The following PLD4 variants were observed in gnomAD, a reference collection of about 807,000 sequenced individuals.
PLD4 encodes 5'-3' exonuclease PLD4.
A neutral mutation model predicts 52.3 loss-of-function variants in PLD4; 54 were observed. The ratio of observed to expected loss-of-function variants is 1.03; its 90% confidence interval spans 0.83 to 1.30. PLD4 has a LOEUF of 1.30. Among genes scored for constraint, PLD4 ranks in the 50% most tolerant of loss-of-function variants. The pLI, the probability that PLD4 is intolerant of heterozygous loss-of-function variation, is 0.00. For synonymous variants in PLD4, 264 were observed against 286.5 expected (o/e 0.92, Z 0.79); for missense variants, 731 against 671.1 (o/e 1.09, Z -0.99).
At chr14:104,925,531 CA>C (rs1214253455) in intron 1 of PLD4, among the ~76,000 whole-genome samples, 3 of 143,104 alleles carry the variant, frequency 2.1e-5, no homozygotes, top group African/African-American at 7.5e-5. Context: ...TTTAAGGGAG[CA>C]AAGGTCCTCT....
Position 104,927,668 on chromosome 14 carries a change from TC to T in PLD4, c.91-3del, listed in dbSNP as rs2140796915. The T allele has an allele frequency of 6.3e-7, 1 of 1,581,228 alleles. No individual in the cohort carries two copies. Among genetic ancestry groups the T allele is most frequent in the African/African-American group, 1.3e-5 (1 of 74,592 alleles). On this transcript the variant is annotated splice_polypyrimidine_tract_variant and splice_region_variant and intron_variant, in intron 2 of 10. Coordinates refer to ENST00000392593, the MANE Select transcript of PLD4 (RefSeq NM_138790.5). The stretch of plus-strand genomic sequence containing the variant: ...TGGTGACCCTGCGGGTGCTGCCCCA[TC>T]CAGTTGCAGGTCCTGGGAGCGCTGG...
At position 104,927,748 on chromosome 14, in the gene PLD4, C is replaced by G. The variant is rs762032870; in HGVS notation, c.166C>G (p.Arg56Gly). The change falls in exon 3 of 11, where the codon CGT becomes GGT. Residue 56 changes from arginine to glycine, a missense_variant. By Grantham distance (125) the Arg-to-Gly change is moderately radical. Coordinates refer to ENST00000392593, the MANE Select transcript of PLD4 (RefSeq NM_138790.5). The stretch of plus-strand genomic sequence containing the variant: ...TATCTGCCTCCTGTGGCAAGTGCCC[C>G]GTCCTCCCACCTGGGGCCAGGTGCA... The part of the protein sequence containing the change: ...ALICLLWQVP[R>G]PPTWGQVQPK... The G allele has an allele frequency of 1.7e-5, 27 of 1,598,444 alleles. No homozygotes were observed. Among genetic ancestry groups the G allele is most frequent in the Non-Finnish European group, 2.2e-5 (26 of 1,176,328 alleles).
chr14:104,934,136 TG>T (rs1165477042), downstream of PLD4: 1 of 150,732 alleles, frequency 6.6e-6, no homozygotes, highest in African/African-American at 2.7e-5. Context: ...GCGTGCGGGC[TG>T]GGGAGACAGG....
intron 8 of PLD4, 31 bp from the exon 9 acceptor site, chr14:104,931,981 T>A: frequency 1.3e-6 from 2 of 1,546,128 alleles, no homozygotes; most frequent in South Asian, 2.4e-5. Context: ...GCCCGGCTTG[T>A]AAGCAGAGCC....
At chr14:104,927,261 G>T in intron 2 of PLD4, 31 bp downstream of exon 2, 1 of 1,503,350 alleles carries the variant, frequency 6.7e-7, no homozygotes, top group Non-Finnish European at 9.0e-7. Context: ...GGGGGAGGTG[G>T]CTGGGATCAA....
chr14:104,934,588 CT>C (rs1897770057), downstream of PLD4: 1 of 152,210 alleles, frequency 6.6e-6, no homozygotes, highest in African/African-American at 2.4e-5. Flanking sequence ...TGAAGGAGCA[CT>C]GGATGCTGAA....
chr14:104,927,592 A>G, intron 2 of PLD4, 81 bp from the exon 3 acceptor site: 1 of 1,411,522 alleles, frequency 7.1e-7, no homozygotes, highest in Non-Finnish European at 9.4e-7. Flanking sequence ...TCTCTGTCTC[A>G]GCACTGGAGG....
rs1334077652 is a variant in PLD4 at position 104,930,887 on chromosome 14, G to A, written c.863G>A (p.Arg288His). Residue 288 changes from arginine (R) to histidine (H), a missense_variant, in exon 7 of 11, where the codon CGT (arginine) becomes CAT (histidine). Physicochemically the swap from Arg to His is conservative, Grantham distance 29. Coordinates refer to ENST00000392593, the MANE Select transcript of PLD4 (RefSeq NM_138790.5). Reference protein sequence around the residue: ...WPQNFSSHFNRFQPFHGLFDG... With the variant: ...WPQNFSSHFNHFQPFHGLFDG... ...CAGAACTTCTCATCTCACTTCAACC[G>A]TTTCCAGCCCTTCCACGGCCTCTTT... 1.3e-5 allele frequency: 21 copies of A among 1,613,502 alleles called. No homozygotes were observed. Among genetic ancestry groups the A allele is most frequent in the South Asian group, 2.2e-5 (2 of 91,088 alleles).
Position 104,927,771 on chromosome 14 carries a change from G to T in PLD4, c.189G>T (p.Val63=). ...QVPRPPTWGQ[V]QPKDVPRSWE... ...CCCGTCCTCCCACCTGGGGCCAGGT[G>T]CAGCCCAAGGACGTGCCCAGGTCCT... Residue 63 remains valine, a synonymous_variant, in exon 3 of 11, where the codon GTG becomes GTT. Coordinates refer to ENST00000392593, the MANE Select transcript of PLD4 (RefSeq NM_138790.5). 6.3e-7 allele frequency: 1 copy of T among 1,599,242 alleles called. No homozygotes were observed.
At chr14:104,935,368 T>C (rs1013205345), downstream of PLD4, 2 of 152,240 alleles carry the variant, frequency 1.3e-5, no homozygotes, top group African/African-American at 4.8e-5. Flanking sequence ...GGACTGGCAG[T>C]CACACCTCAG....
At position 104,932,197 on chromosome 14, in the gene PLD4, C is replaced by G. The variant is rs570648047; in HGVS notation, c.1224+20C>G. On this transcript the variant is annotated intron_variant, in intron 9 of 10. Transcript: ENST00000392593. The surrounding 1 kb of genome is among the most constrained non-coding windows in gnomAD (Gnocchi z 6.5). ...GACGTGGTGAGGGCGTGCTCCCGGCCGGGCGTGGGAAAGGCGGCCCTCCTG... is the reference window on the plus strand; with the variant it reads ...GACGTGGTGAGGGCGTGCTCCCGGCGGGGCGTGGGAAAGGCGGCCCTCCTG... The G allele has an allele frequency of 5.3e-5, 85 of 1,611,798 alleles. No homozygotes were observed. Among genetic ancestry groups the G allele is most frequent in the Non-Finnish European group, 7.2e-5 (85 of 1,179,508 alleles).
chr14:104,928,636 G>A (rs887132534), intron 3 of PLD4, 113 bp from the exon 4 acceptor site: 12 of 1,151,094 alleles, frequency 1.0e-5, no homozygotes, highest in South Asian at 8.3e-5. Context: ...GGCTCATCCC[G>A]GGGGCCACCT....
At position 104,927,229 on chromosome 14, in the gene PLD4, C is replaced by T. The variant is rs758450884; in HGVS notation, c.89C>T (p.Thr30Met). 3.2e-6 allele frequency: 5 copies of T among 1,544,518 alleles called. No individual in the cohort carries two copies. The highest frequency in any genetic ancestry group is 3.5e-6 in the Non-Finnish European group (4 of 1,144,636). ...PRRPWDREAG[T>M]LQVLGALAVL... ...CGCCCGTGGGACAGAGAGGCTGGCACGGTAGGACTGGGGGGCCCCAGGGGG... is the reference window on the plus strand; with the variant it reads ...CGCCCGTGGGACAGAGAGGCTGGCATGGTAGGACTGGGGGGCCCCAGGGGG... The change falls in exon 2 of 11, where the codon ACG becomes ATG. Residue 30 changes from threonine to methionine, a missense_variant and splice_region_variant. Physicochemically the swap from Thr to Met is moderately conservative, Grantham distance 81 (BLOSUM62 -1). Coordinates refer to ENST00000392593, the MANE Select transcript of PLD4 (RefSeq NM_138790.5).
chr14:104,927,150 CCT>C lies in PLD4; in HGVS notation c.13_14del (p.Trp6GlufsTer140), dbSNP rs1897481825. The C allele has an allele frequency of 6.4e-7, 1 of 1,557,030 alleles. No individual in the cohort carries two copies. The highest frequency in any genetic ancestry group is 8.7e-7 in the Non-Finnish European group (1 of 1,150,694). On this transcript the variant is annotated frameshift_variant, in exon 2 of 11. Coordinates refer to ENST00000392593, the MANE Select transcript of PLD4 (RefSeq NM_138790.5). LOFTEE classifies it high-confidence loss of function. ...AGGCTGCCCTGTGCAGATGCTGAAG[CCT>C]CTTTGGAAAGCAGCAGTGGCCCCCA... MLK[P>X]LWKAAVAPTW...
At chr14:104,929,846 TAGCAGC>T in intron 5 of PLD4, 126 bp from the exon 6 acceptor site, 1 of 1,074,506 alleles carries the variant, frequency 9.3e-7, no homozygotes, top group Non-Finnish European at 1.4e-6. Flanking sequence ...GGGATGAGGA[TAGCAGC>T]AGCTTAGTAG....
chr14:104,927,222 G>C lies in PLD4; in HGVS notation c.82G>C (p.Ala28Pro), dbSNP rs752693878. 1.3e-6 allele frequency: 2 copies of C among 1,548,360 alleles called. No homozygotes were observed. Among genetic ancestry groups the C allele is most frequent in the South Asian group, 1.2e-5 (1 of 83,742 alleles). ...MPPRRPWDREAGTLQVLGALA... is the reference protein window; with the variant it reads ...MPPRRPWDREPGTLQVLGALA... ...GCCCCGCCGCCCGTGGGACAGAGAG[G>C]CTGGCACGGTAGGACTGGGGGGCCC... The change falls in exon 2 of 11, where the codon GCT (alanine) becomes CCT (proline). Residue 28 changes from alanine (A) to proline (P), a missense_variant. By Grantham distance (27) the Ala-to-Pro change is conservative. Coordinates refer to ENST00000392593, the MANE Select transcript of PLD4 (RefSeq NM_138790.5).
chr14:104,926,838 C>T (rs980199161), intron 1 of PLD4, among the ~76,000 whole-genome samples: 9 of 152,226 alleles, frequency 5.9e-5, no homozygotes, highest in South Asian at 2.1e-4. Context: ...GACGCCCGCC[C>T]GCCCCTCGTG....
At position 104,927,713 on chromosome 14, in the gene PLD4, C is replaced by T. The variant is rs771970372; in HGVS notation, c.131C>T (p.Ser44Phe). 2.0e-5 allele frequency: 32 copies of T among 1,597,644 alleles called. No individual in the cohort carries two copies. The South Asian group carries it at 3.6e-4, about 18-fold the overall frequency. Residue 44 changes from serine to phenylalanine, a missense_variant, in exon 3 of 11, where the codon TCC (serine) becomes TTC (phenylalanine). By Grantham distance (155) the Ser-to-Phe change is radical (BLOSUM62 -2). Coordinates refer to ENST00000392593, the MANE Select transcript of PLD4 (RefSeq NM_138790.5). ...GCGCTGGCTGTGCTGTGGCTGGGCTCCGTGGCTCTTATCTGCCTCCTGTGG... is the reference window on the plus strand; with the variant it reads ...GCGCTGGCTGTGCTGTGGCTGGGCTTCGTGGCTCTTATCTGCCTCCTGTGG... ...LGALAVLWLG[S>F]VALICLLWQV...
chr14:104,929,164 A>G (rs1490240785), intron 4 of PLD4, 143 bp from the exon 5 acceptor site: 1 of 1,386,224 alleles, frequency 7.2e-7, no homozygotes, highest in Non-Finnish European at 9.7e-7. Context: ...TTTGGCTCTC[A>G]CCAAGGGTCA....
Sources: gnomAD v4.1 joint callset for allele counts (sites outside exome capture counted in the v4.1 genomes callset) on GRCh38, gnomAD v4.1.1 for gene constraint, Gnocchi (gnomAD v3.1) non-coding constraint, MANE v1.5 for transcripts, NCBI Gene and HGNC (gene_info 2026-07-23, HGNC 2026-07-21) for gene names.